GABRA2: variants seen among roughly 807,000 people sequenced by gnomAD.
GABRA2 encodes gamma-aminobutyric acid type A receptor subunit alpha2.
In GABRA2, 16 loss-of-function variants were observed where a neutral mutation model predicts 48.7. The observed-to-expected ratio is 0.33, with a 90% CI of 0.22 to 0.50. The LOEUF is 0.50. Among genes scored for constraint, GABRA2 ranks in the 20% least tolerant of loss-of-function variants. GABRA2 has a pLI of 0.98. For missense variants in GABRA2, 275 were observed against 535.6 expected (o/e 0.51, Z 4.80); for synonymous variants, 185 against 184.5 (o/e 1.00, Z -0.02).
chr4:46,315,058 T>C (rs916464835), intron 4 of GABRA2, among the ~76,000 whole-genome samples: 16 of 152,088 alleles, frequency 1.1e-4, no homozygotes, highest in African/African-American at 3.9e-4. Flanking sequence ...CTTTGAGAAA[T>C]TTCCAGACTG....
intron 8 of GABRA2, among the ~76,000 whole-genome samples, chr4:46,275,282 C>A (rs984190763): frequency 6.6e-6 from 1 of 152,056 alleles, no homozygotes; most frequent in African/African-American, 2.4e-5. Flanking sequence ...ATTTAGCAGG[C>A]TTTTTAACTT....
chr4:46,278,763 A>C (rs763422337), intron 8 of GABRA2, among the ~76,000 whole-genome samples: 36 of 152,104 alleles, frequency 2.4e-4, no homozygotes, highest in Non-Finnish European at 5.0e-4. Context: ...TTACACTGAA[A>C]ACAAGTATTT....
chr4:46,350,482 C>T (rs1277009288), intron 3 of GABRA2, among the ~76,000 whole-genome samples: 1 of 151,632 alleles, frequency 6.6e-6, no homozygotes, highest in Non-Finnish European at 1.5e-5. Context: ...ATACATCATA[C>T]ATATATTTGT....
chr4:46,270,540 T>C (rs570405528), intron 8 of GABRA2, among the ~76,000 whole-genome samples: 21 of 151,992 alleles, frequency 1.4e-4, no homozygotes, highest in African/African-American at 4.6e-4. Context: ...ATCACCTCTG[T>C]GAGATCTCTA....
At chr4:46,325,357 T>C (rs1365865030) in intron 4 of GABRA2, among the ~76,000 whole-genome samples, 1 of 152,198 alleles carries the variant, frequency 6.6e-6, no homozygotes, top group East Asian at 1.9e-4. Context: ...ACATTTTTCA[T>C]ATGCTTGTTG....
At chr4:46,259,191 T>A (rs941343874) in intron 9 of GABRA2, among the ~76,000 whole-genome samples, 13 of 151,768 alleles carry the variant, frequency 8.6e-5, no homozygotes, top group African/African-American at 2.9e-4. Flanking sequence ...GATGAAAGAA[T>A]TTGTATTGAG....
At chr4:46,360,814 C>A (rs986815914) in intron 3 of GABRA2, among the ~76,000 whole-genome samples, 1 of 152,156 alleles carries the variant, frequency 6.6e-6, no homozygotes, top group Non-Finnish European at 1.5e-5. Flanking sequence ...GAAATCCAGG[C>A]TGAGGTGGTC....
rs1237657981 is a variant in GABRA2 at position 46,303,563 on chromosome 4, C to T, written c.753G>A (p.Gly251=). The change falls in exon 8 of 10, where the codon GGG becomes GGA. Residue 251 remains glycine (G), a synonymous_variant. Transcript: ENST00000381620. ...TAHFHLKRKI[G]YFVIQTYLPC... ...GCAGATAGGTTTGAATCACAAAATA[C>T]CCAATTTTTCTTTTCAGGTGGAAAT... The T allele has an allele frequency of 6.2e-7, 1 of 1,613,750 alleles. No individual in the cohort carries two copies. Among genetic ancestry groups the T allele is most frequent in the Admixed American group, 1.7e-5 (1 of 60,020 alleles).
intron 9 of GABRA2, among the ~76,000 whole-genome samples, chr4:46,258,324 A>G (rs1428979793): frequency 1.3e-5 from 2 of 151,834 alleles, no homozygotes; most frequent in Admixed American, 1.3e-4. Flanking sequence ...AAACTACGAT[A>G]AAGGTTCTAA....
chr4:46,351,326 TAA>T (rs1161733386), intron 3 of GABRA2, among the ~76,000 whole-genome samples: 1 of 151,912 alleles, frequency 6.6e-6, no homozygotes, highest in Non-Finnish European at 1.5e-5. Context: ...AAGGATGAAA[TAA>T]AGATAACTAT....
intron 4 of GABRA2, among the ~76,000 whole-genome samples, chr4:46,314,346 G>C (rs1020658851): frequency 3.3e-5 from 5 of 152,014 alleles, no homozygotes; most frequent in African/African-American, 1.2e-4. Flanking sequence ...ATGAGGTTAT[G>C]TTTTATCTGT....
In GABRA2 at chr4:46,357,946, C is replaced by A. The variant is rs140081863; in HGVS notation, c.188-25264G>T. 3.1e-4 allele frequency among the ~76,000 whole-genome samples: 47 copies of A among 152,172 alleles called. No individual in the cohort carries two copies. The East Asian group carries it at 8.7e-3, about 28-fold the overall frequency. On this transcript the variant is annotated intron_variant, in intron 3 of 9. Transcript: ENST00000381620. Reference sequence around the variant, plus strand: ...GTTCTGGGATTACAGGTGTGAGCCACCGCGCCCAGCTGTGAAACTTTCATA... The same window carrying A: ...GTTCTGGGATTACAGGTGTGAGCCAACGCGCCCAGCTGTGAAACTTTCATA...
Position 46,260,756 on chromosome 4 carries a change from T to C in GABRA2, c.1059+1170A>G, listed in dbSNP as rs367670834. The C allele has an allele frequency of 3.3e-5, 5 of 152,006 alleles. No homozygotes were observed. In the South Asian group the frequency reaches 8.3e-4, roughly 25 times the overall value. The allele number at this position is 152,006 out of a possible 1,614,324, so 9.4% of individuals were successfully genotyped here. On this transcript the variant is annotated intron_variant, in intron 9 of 9. Coordinates refer to ENST00000381620, the MANE Select transcript of GABRA2 (RefSeq NM_000807.4). ...GCTGAAACAGCCCAGAAGTTAAGCA[T>C]ACAAAATGGACCAGATTCCTTTTAA...
At chr4:46,267,279 A>G (rs1380889592) in intron 8 of GABRA2, among the ~76,000 whole-genome samples, 1 of 151,880 alleles carries the variant, frequency 6.6e-6, no homozygotes, top group Non-Finnish European at 1.5e-5. Context: ...TGATAATTTG[A>G]ACTACAGAAT....
intron 3 of GABRA2, among the ~76,000 whole-genome samples, chr4:46,341,505 T>G (rs994411833): frequency 3.3e-5 from 5 of 152,074 alleles, no homozygotes; most frequent in African/African-American, 1.2e-4. Flanking sequence ...CTTTGTCTTT[T>G]GCAGCCATTG....
chr4:46,360,323 G>A (rs1238400256), intron 3 of GABRA2, among the ~76,000 whole-genome samples: 2 of 152,276 alleles, frequency 1.3e-5, no homozygotes, highest in East Asian at 3.9e-4. Flanking sequence ...GAATCCAGTG[G>A]GAGGTAATTG....
intron 8 of GABRA2, among the ~76,000 whole-genome samples, chr4:46,267,929 T>C (rs1257455466): frequency 6.6e-6 from 1 of 152,002 alleles, no homozygotes; most frequent in Non-Finnish European, 1.5e-5. Context: ...TTTCAGATTA[T>C]GGATGCTGAA....
intron 3 of GABRA2, among the ~76,000 whole-genome samples, chr4:46,350,686 T>C (rs1454779433): frequency 6.6e-6 from 1 of 151,924 alleles, no homozygotes; most frequent in African/African-American, 2.4e-5. Context: ...GATAAATGAA[T>C]GTTCTTTCTT....
At chr4:46,300,315 G>A (rs112032793) in intron 8 of GABRA2, among the ~76,000 whole-genome samples, 2,390 of 151,816 alleles carry the variant, frequency 0.016, 67 homozygotes, top group African/African-American at 0.055. Context: ...GTGTGTGCGC[G>A]CGCGTTTTGA....
Sources: allele counts gnomAD v4.1 joint callset (sites outside exome capture counted in the v4.1 genomes callset), GRCh38; gene constraint gnomAD v4.1.1; transcripts MANE v1.5; gene names NCBI Gene and HGNC (gene_info 2026-07-23, HGNC 2026-07-21).